The following GLRA3 variants were observed in gnomAD, a reference collection of about 807,000 sequenced individuals.
The protein encoded by GLRA3 is glycine receptor alpha 3, also known as glycine receptor subunit alpha-3.
GLRA3 carries 44 observed loss-of-function variants against 60.4 expected under a neutral mutation model. That is an observed-to-expected ratio of 0.73 (90% CI 0.57 to 0.94). The LOEUF is 0.94. Among genes scored for constraint, GLRA3 ranks in the 40% least tolerant of loss-of-function variants. The pLI is 0.00. For synonymous variants in GLRA3, 223 were observed against 192.9 expected (o/e 1.16, Z -1.29); for missense variants, 508 against 564.6 (o/e 0.90, Z 1.02).
At chr4:174,812,930 C>T (rs1458483929) in intron 1 of GLRA3, among the ~76,000 whole-genome samples, 1 of 152,070 alleles carries the variant, frequency 6.6e-6, no homozygotes, top group Non-Finnish European at 1.5e-5. Context: ...TTCAGACAGC[C>T]TCTAAATTAT....
rs974846148 is a variant in GLRA3 at position 174,797,817 on chromosome 4, G to A, written c.72-8874C>T. On this transcript the variant is annotated intron_variant, in intron 1 of 9. Transcript: ENST00000274093. ...GAGATAGCAAACGCCTCTAGTCCCAGCTACTCTGAGGCAGGAGAATCACCT... is the reference window on the plus strand; with the variant it reads ...GAGATAGCAAACGCCTCTAGTCCCAACTACTCTGAGGCAGGAGAATCACCT... Among the ~76,000 whole-genome samples the A allele has an allele frequency of 3.3e-5, 5 of 151,970 alleles. No individual in the cohort carries two copies. The South Asian group carries it at 1.0e-3, about 32-fold the overall frequency.
intron 9 of GLRA3, among the ~76,000 whole-genome samples, chr4:174,644,820 T>C (rs1276207031): frequency 6.6e-6 from 1 of 151,798 alleles, no homozygotes; most frequent in Admixed American, 6.6e-5. Flanking sequence ...CTGAAGAGAA[T>C]TTTCCATGTT....
intron 3 of GLRA3, among the ~76,000 whole-genome samples, chr4:174,741,653 C>T (rs949206908): frequency 1.1e-4 from 17 of 151,924 alleles, no homozygotes; most frequent in African/African-American, 2.4e-4. Flanking sequence ...TCTAAGAGCT[C>T]GTTACCTAAC....
At chr4:174,732,668 T>A (rs1471033335) in intron 3 of GLRA3, among the ~76,000 whole-genome samples, 9 of 152,036 alleles carry the variant, frequency 5.9e-5, no homozygotes, top group Admixed American at 3.9e-4. Context: ...TGAGGATGAA[T>A]CTTACAAATG....
intron 1 of GLRA3, among the ~76,000 whole-genome samples, chr4:174,800,455 A>C (rs1579629593): frequency 6.6e-6 from 1 of 152,094 alleles, no homozygotes; most frequent in East Asian, 1.9e-4. Context: ...CAGTTTGTGT[A>C]GCATACTCTC....
chr4:174,643,357 C>A lies in GLRA3; in HGVS notation c.*429G>T. ...ATTATTTTCCCATTTTGTAACTATACTATAAGAAAATAGTTTTAAATCTCA... is the reference window on the plus strand; with the variant it reads ...ATTATTTTCCCATTTTGTAACTATAATATAAGAAAATAGTTTTAAATCTCA... On this transcript the variant is annotated 3_prime_UTR_variant, in exon 10 of 10. Transcript: ENST00000274093. 2.8e-6 allele frequency: 1 copy of A among 362,852 alleles called. No individual in the cohort carries two copies. Among genetic ancestry groups the A allele is most frequent in the Non-Finnish European group, 3.1e-6 (1 of 324,530 alleles). The allele number at this position is 362,852 out of a possible 1,614,324, so 22.5% of individuals were successfully genotyped here. A position where few individuals can be genotyped will look rare whatever the true frequency, so the allele number is the denominator to read the frequency against.
chr4:174,799,862 G>A (rs532141006), intron 1 of GLRA3, among the ~76,000 whole-genome samples: 2 of 152,176 alleles, frequency 1.3e-5, no homozygotes, highest in Admixed American at 6.5e-5. Context: ...AGGAAAAAAA[G>A]TAAAAGAGAA....
At chr4:174,666,527 G>A (rs1347886324) in intron 7 of GLRA3, among the ~76,000 whole-genome samples, 2 of 151,820 alleles carry the variant, frequency 1.3e-5, no homozygotes, top group African/African-American at 4.8e-5. Flanking sequence ...AGATCAGCTT[G>A]ATAAATGATC....
intron 5 of GLRA3, among the ~76,000 whole-genome samples, chr4:174,684,060 A>C (rs1178481818): frequency 2.6e-5 from 4 of 152,158 alleles, no homozygotes; most frequent in Non-Finnish European, 2.9e-5. Flanking sequence ...TCAACTCCTT[A>C]AGCCATAATG....
intron 3 of GLRA3, among the ~76,000 whole-genome samples, chr4:174,764,906 G>T (rs7657731): frequency 0.2 from 31,136 of 151,958 alleles, 3,893 homozygotes; most frequent in Non-Finnish European, 0.29. Context: ...AATGATATAT[G>T]TTTAGAAATT....
intron 3 of GLRA3, among the ~76,000 whole-genome samples, chr4:174,761,749 T>C (rs1737950087): frequency 6.6e-6 from 1 of 151,878 alleles, no homozygotes; most frequent in South Asian, 2.1e-4. Flanking sequence ...CTGTGAGGGG[T>C]AGGATTTAAA....
chr4:174,705,131 A>C (rs1363049555), intron 5 of GLRA3, among the ~76,000 whole-genome samples: 1 of 144,024 alleles, frequency 6.9e-6, no homozygotes, highest in African/African-American at 2.5e-5. Flanking sequence ...CTCATGTTTA[A>C]ATTCGGTTGC....
chr4:174,730,988 T>C (rs1736526113), intron 3 of GLRA3, among the ~76,000 whole-genome samples: 1 of 152,174 alleles, frequency 6.6e-6, no homozygotes, highest in South Asian at 2.1e-4. Flanking sequence ...GAATAAATTT[T>C]TGACATTCTC....
At chr4:174,690,453 T>G (rs1734752471) in intron 5 of GLRA3, among the ~76,000 whole-genome samples, 2 of 152,208 alleles carry the variant, frequency 1.3e-5, no homozygotes, top group East Asian at 3.8e-4. Context: ...AAATTTAAGG[T>G]AAAAATGACA....
intron 2 of GLRA3, among the ~76,000 whole-genome samples, chr4:174,768,441 T>C (rs150862409): frequency 6.0e-4 from 91 of 152,296 alleles, no homozygotes; most frequent in African/African-American, 1.9e-3. Flanking sequence ...AAATTTCTTA[T>C]TAATGCCCGA....
chr4:174,784,330 G>T (rs529994555), intron 2 of GLRA3, among the ~76,000 whole-genome samples: 1 of 140,396 alleles, frequency 7.1e-6, no homozygotes, highest in Non-Finnish European at 1.5e-5. Context: ...GGTGCGGGGA[G>T]GGGGGAGGGA....
chr4:174,762,757 T>C (rs1737988099), intron 3 of GLRA3, among the ~76,000 whole-genome samples: 2 of 152,180 alleles, frequency 1.3e-5, no homozygotes, highest in African/African-American at 4.8e-5. Context: ...CAGCCATTCA[T>C]AACATACACA....
chr4:174,827,234 A>G (rs1396328437), intron 1 of GLRA3, among the ~76,000 whole-genome samples: 1 of 151,946 alleles, frequency 6.6e-6, no homozygotes, highest in Non-Finnish European at 1.5e-5. Flanking sequence ...AAATTGGACA[A>G]AAGTCAGAGA....
In GLRA3 at chr4:174,642,476, A is replaced by T. The variant is rs958294343; in HGVS notation, c.*1310T>A. 1.0e-6 allele frequency: 1 copy of T among 977,004 alleles called. No homozygotes were observed. The highest frequency in any genetic ancestry group is 1.2e-6 in the Non-Finnish European group (1 of 822,412). 60.5% of individuals were successfully genotyped at this position (977,004 alleles called of 1,614,324 possible). On this transcript the variant is annotated 3_prime_UTR_variant, in exon 10 of 10. Transcript: ENST00000274093. ...GTTAAAAAAATAGCAAAACTGAAAAAGAGTCAGAGTCTGGTTCTGTTTACC... is the reference window on the plus strand; with the variant it reads ...GTTAAAAAAATAGCAAAACTGAAAATGAGTCAGAGTCTGGTTCTGTTTACC...
Sources: allele counts gnomAD v4.1 joint callset (sites outside exome capture counted in the v4.1 genomes callset), GRCh38; gene constraint gnomAD v4.1.1; transcripts MANE v1.5; gene names NCBI Gene and HGNC (gene_info 2026-07-23, HGNC 2026-07-21).